The following NUP98 variants were observed in gnomAD, a reference collection of about 807,000 sequenced individuals.
NUP98 encodes the protein nucleoporin 98 and 96 precursor.
NUP98 carries 26 observed loss-of-function variants against 191.9 expected under a neutral mutation model. That is an observed-to-expected ratio of 0.14 (90% CI 0.10 to 0.19). The LOEUF (loss-of-function observed/expected upper bound fraction) is 0.19, where lower values mean the gene tolerates loss of function less well. NUP98 is among the 10% of genes least tolerant of loss of function. The pLI is 1.00. For synonymous variants in NUP98, 808 were observed against 778.4 expected (o/e 1.04, Z -0.63); for missense variants, 1,941 against 2,178.8 (o/e 0.89, Z 2.17).
rs533093148 is a variant in NUP98 at position 3,711,526 on chromosome 11, G to A, written c.2742+1038C>T. 3 of 152,760 alleles carry A rather than the reference G, an allele frequency of 2.0e-5. No individual in the cohort carries two copies. The South Asian group carries it at 6.2e-4, about 32-fold the overall frequency. 9.5% of individuals were successfully genotyped at this position (152,760 alleles called of 1,614,324 possible). On this transcript the variant is annotated intron_variant, in intron 20 of 32. Transcript: ENST00000324932. ...CTTTAAGATCCTACATATTACTTTT[G>A]TTACAGAAAATAAGGCCATCTGACT...
Position 3,675,813 on chromosome 11 carries a change from C to T in NUP98, c.*346G>A. 2.5e-6 allele frequency: 1 copy of T among 398,242 alleles called. No homozygotes were observed. The highest frequency in any genetic ancestry group is 4.3e-5 in the East Asian group (1 of 23,064). The allele number at this position is 398,242 out of a possible 1,614,324, so 24.7% of individuals were successfully genotyped here. On this transcript the variant is annotated 3_prime_UTR_variant, in exon 33 of 33. Transcript: ENST00000324932. The stretch of plus-strand genomic sequence containing the variant: ...GGGTAGGAGTAGGGAAGCTGGTTGG[C>T]ATGGAGGGTCACAAGATCCAGAATG...
chr11:3,720,395 G>A (rs2079345958), intron 17 of NUP98, among the ~76,000 whole-genome samples: 1 of 151,980 alleles, frequency 6.6e-6, no homozygotes, highest in African/African-American at 2.4e-5. Flanking sequence ...GTATACCTAA[G>A]CCCAAAGAAT....
chr11:3,698,377 A>G (rs986833244), intron 25 of NUP98, among the ~76,000 whole-genome samples: 2 of 152,190 alleles, frequency 1.3e-5, no homozygotes, highest in Admixed American at 6.5e-5. Context: ...CAAATGTAAT[A>G]TAAAATTTAA....
intron 25 of NUP98, among the ~76,000 whole-genome samples, chr11:3,697,820 T>TTA (rs772125736): frequency 1.0e-5 from 1 of 97,156 alleles, no homozygotes; most frequent in Non-Finnish European, 1.9e-5. Flanking sequence ...GACTCTGTCT[T>TTA]AAAAAAAAAA....
chr11:3,792,672 A>AT (rs1223442188), intron 1 of NUP98, among the ~76,000 whole-genome samples: 3 of 152,158 alleles, frequency 2.0e-5, no homozygotes, highest in Non-Finnish European at 4.4e-5. Flanking sequence ...TAACTCAGTA[A>AT]ATCAATAATT....
chr11:3,752,407 C>G (rs2080795573), intron 11 of NUP98, among the ~76,000 whole-genome samples: 1 of 151,426 alleles, frequency 6.6e-6, no homozygotes, highest in East Asian at 2.0e-4. Context: ...ATCCCAGCTA[C>G]TAGGAAGGCT....
chr11:3,792,476 TG>T (rs1293681035), intron 1 of NUP98, among the ~76,000 whole-genome samples: 1 of 151,772 alleles, frequency 6.6e-6, no homozygotes, highest in Non-Finnish European at 1.5e-5. Context: ...CCAGATGTGG[TG>T]GTACACACCT....
chr11:3,736,662 C>A (rs2134317861), intron 12 of NUP98, among the ~76,000 whole-genome samples: 1 of 152,272 alleles, frequency 6.6e-6, no homozygotes, highest in South Asian at 2.1e-4. Context: ...AACATCATGA[C>A]ACATCAACAT....
intron 22 of NUP98, among the ~76,000 whole-genome samples, chr11:3,703,216 C>CTTT (rs1310254994): frequency 1.4e-5 from 2 of 139,140 alleles, no homozygotes; most frequent in African/African-American, 2.6e-5. Flanking sequence ...TCTTCAAAAA[C>CTTT]TTTTTTTTTT....
Position 3,723,435 on chromosome 11 carries a change from G to A in NUP98, c.1868C>T (p.Pro623Leu). The change falls in exon 16 of 33, where the codon CCT becomes CTT. Residue 623 changes from proline to leucine, a missense_variant. Transcript: ENST00000324932. ...NGERFSFLSKPVDENHQQDGD... is the reference protein window; with the variant it reads ...NGERFSFLSKLVDENHQQDGD... ...ATCCTGCTGGTGATTCTCATCAACA[G>A]GTTTGCTTAGGAAACTAAATCTGCA... The A allele has an allele frequency of 6.2e-7, 1 of 1,613,798 alleles. No individual in the cohort carries two copies. The highest frequency in any genetic ancestry group is 8.5e-7 in the Non-Finnish European group (1 of 1,179,772).
Position 3,797,503 on chromosome 11 carries a change from A to T in NUP98, c.-132T>A. On this transcript the variant is annotated 5_prime_UTR_variant, in exon 1 of 33. Transcript: ENST00000324932. ...CGAAACCGTCGCCGCCGCCGCTACCACCCCTGCCACCGACCGCCGCTTCGG... is the reference window on the plus strand; with the variant it reads ...CGAAACCGTCGCCGCCGCCGCTACCTCCCCTGCCACCGACCGCCGCTTCGG... The T allele has an allele frequency of 2.3e-6, 1 of 436,112 alleles. No homozygotes were observed. The highest frequency in any genetic ancestry group is 5.6e-5 in the South Asian group (1 of 17,770). 27.0% of individuals were successfully genotyped at this position (436,112 alleles called of 1,614,324 possible).
At chr11:3,735,568 C>T (rs1474402702) in intron 12 of NUP98, among the ~76,000 whole-genome samples, 1 of 152,002 alleles carries the variant, frequency 6.6e-6, no homozygotes, top group African/African-American at 2.4e-5. Context: ...TATAAATTCA[C>T]TTACACAGTG....
chr11:3,702,332 CT>C (rs2078726528), intron 23 of NUP98, 130 bp downstream of exon 23: 2 of 115,576 alleles, frequency 1.7e-5, no homozygotes, highest in Admixed American at 1.8e-4. Context: ...CTCTCTCTCT[CT>C]CTCTCTCTCT....
Position 3,794,373 on chromosome 11 carries a change from T to C in NUP98, c.-29+3027A>G, listed in dbSNP as rs1589996812. 2.6e-5 allele frequency among the ~76,000 whole-genome samples: 4 copies of C among 152,134 alleles called. No individual in the cohort carries two copies. In the South Asian group the frequency reaches 8.3e-4, roughly 32 times the overall value. Reference sequence around the variant, plus strand: ...AGTCTCGCTGTCGCCCAGGCTGGAGTGCAGTGGCACAATCTTGGCTCACTG... The same window carrying C: ...AGTCTCGCTGTCGCCCAGGCTGGAGCGCAGTGGCACAATCTTGGCTCACTG... On this transcript the variant is annotated intron_variant, in intron 1 of 32. Coordinates refer to ENST00000324932, the MANE Select transcript of NUP98 (RefSeq NM_016320.5).
In NUP98 at chr11:3,794,385, A is replaced by C. The variant is rs561814688; in HGVS notation, c.-29+3015T>G. 4.0e-3 allele frequency among the ~76,000 whole-genome samples: 612 copies of C among 152,156 alleles called. 1 individual carries two copies. The highest frequency in any genetic ancestry group is 0.014 in the African/African-American group (586 of 41,506). On this transcript the variant is annotated intron_variant, in intron 1 of 32. Coordinates refer to ENST00000324932, the MANE Select transcript of NUP98 (RefSeq NM_016320.5). ...GCCCAGGCTGGAGTGCAGTGGCACAATCTTGGCTCACTGCAACCTCCGCCT... is the reference window on the plus strand; with the variant it reads ...GCCCAGGCTGGAGTGCAGTGGCACACTCTTGGCTCACTGCAACCTCCGCCT...
At chr11:3,794,998 A>C (rs2082480410) in intron 1 of NUP98, among the ~76,000 whole-genome samples, 1 of 152,248 alleles carries the variant, frequency 6.6e-6, no homozygotes, top group African/African-American at 2.4e-5. Flanking sequence ...ATTGGAAATT[A>C]AACATTAGTA....
At chr11:3,722,569 G>A (rs1266407927) in intron 16 of NUP98, among the ~76,000 whole-genome samples, 1 of 152,156 alleles carries the variant, frequency 6.6e-6, no homozygotes, top group Admixed American at 6.5e-5. Flanking sequence ...GCTCATGCCT[G>A]TAATCCTAGC....
chr11:3,710,152 C>T (rs932920050), intron 20 of NUP98, among the ~76,000 whole-genome samples: 1 of 152,116 alleles, frequency 6.6e-6, no homozygotes, highest in Non-Finnish European at 1.5e-5. Flanking sequence ...AGCCCCATGC[C>T]AAATCTGTGG....
At chr11:3,781,185 CAAAAAAAA>C (rs34704470) in intron 2 of NUP98, among the ~76,000 whole-genome samples, 2 of 69,038 alleles carry the variant, frequency 2.9e-5, no homozygotes, top group African/African-American at 1.1e-4. Context: ...GATCCTATCT[CAAAAAAAA>C]AAAAAAAAAA....
Sources: allele counts gnomAD v4.1 joint callset (sites outside exome capture counted in the v4.1 genomes callset), GRCh38; gene constraint gnomAD v4.1.1; transcripts MANE v1.5; gene names NCBI Gene and HGNC (gene_info 2026-07-23, HGNC 2026-07-21).